KTN1: variants seen among roughly 807,000 people sequenced by gnomAD.
The protein encoded by KTN1 is kinectin 1, also known as kinectin.
In KTN1, 130 loss-of-function variants were observed where a neutral mutation model predicts 222.5. That is an observed-to-expected ratio of 0.58 (90% CI 0.51 to 0.68). The LOEUF (loss-of-function observed/expected upper bound fraction) is 0.68, where lower values mean the gene tolerates loss of function less well. Ranked by LOEUF, KTN1 falls within the 30% of genes least tolerant of loss-of-function variation. The probability of loss-of-function intolerance (pLI) is 0.00; values close to 1 mark genes in which losing one functional copy is unlikely to be tolerated. For synonymous variants in KTN1, 512 were observed against 496.3 expected (o/e 1.03, Z -0.42); for missense variants, 1,508 against 1,500.4 (o/e 1.01, Z -0.08).
chr14:55,609,071 G>A (rs1003301021), intron 1 of KTN1, among the ~76,000 whole-genome samples: 2 of 150,712 alleles, frequency 1.3e-5, no homozygotes, highest in African/African-American at 2.4e-5. Context: ...TGTGGAGAAC[G>A]TGCAGGTTTA....
chr14:55,593,425 C>T (rs980252700), intron 1 of KTN1, among the ~76,000 whole-genome samples: 5 of 132,780 alleles, frequency 3.8e-5, no homozygotes, highest in African/African-American at 5.8e-5. Flanking sequence ...ACTAATTGAT[C>T]AGAAATAGAC....
At position 55,665,333 on chromosome 14, in the gene KTN1, A is replaced by G. The variant is rs889659323; in HGVS notation, c.3177+1292A>G. On this transcript the variant is annotated intron_variant, in intron 33 of 43. Transcript: ENST00000395314. The stretch of plus-strand genomic sequence containing the variant: ...GGGACTGGGTATGTGGGTGCTAATC[A>G]CACCATTCCTACAAGAAGTTACATG... Among the ~76,000 whole-genome samples, 5 of 152,076 alleles carry G rather than the reference A, an allele frequency of 3.3e-5. No individual in the cohort carries two copies. In the East Asian group the frequency reaches 9.7e-4, roughly 29 times the overall value.
intron 1 of KTN1, among the ~76,000 whole-genome samples, chr14:55,599,412 T>C (rs2035602162): frequency 6.6e-6 from 1 of 152,164 alleles, no homozygotes; most frequent in Non-Finnish European, 1.5e-5. Flanking sequence ...GAGAGATTTT[T>C]CCTTCCCAAG....
At chr14:55,601,751 T>C (rs2036002988) in intron 1 of KTN1, 1 of 152,248 alleles carries the variant, frequency 6.6e-6, no homozygotes, top group Admixed American at 6.5e-5. Context: ...TTTTTCTTTT[T>C]TTCAGGTAGA....
intron 1 of KTN1, among the ~76,000 whole-genome samples, chr14:55,597,004 C>T (rs1341895274): frequency 6.6e-6 from 1 of 151,418 alleles, no homozygotes; most frequent in Non-Finnish European, 1.5e-5. Flanking sequence ...TTTTGTGTTT[C>T]AGAGTACCAG....
At chr14:55,588,530 A>G (rs1248573560) in intron 1 of KTN1, among the ~76,000 whole-genome samples, 1 of 152,196 alleles carries the variant, frequency 6.6e-6, no homozygotes, top group Non-Finnish European at 1.5e-5. Context: ...TTACTGTGAT[A>G]CTGTTACTGG....
At chr14:55,617,650 T>G (rs2038573143) in intron 3 of KTN1, among the ~76,000 whole-genome samples, 1 of 152,210 alleles carries the variant, frequency 6.6e-6, no homozygotes, top group Non-Finnish European at 1.5e-5. Context: ...TAAGTGGAAA[T>G]AATTCTTATA....
At chr14:55,605,943 AT>A (rs2036662019) in intron 1 of KTN1, among the ~76,000 whole-genome samples, 1 of 152,188 alleles carries the variant, frequency 6.6e-6, no homozygotes, top group Non-Finnish European at 1.5e-5. Flanking sequence ...TTAAAAAAAG[AT>A]TAACTTGTCT....
Position 55,612,563 on chromosome 14 carries a change from A to C in KTN1, c.515A>C (p.Asn172Thr). 6.3e-7 allele frequency: 1 copy of C among 1,579,388 alleles called. No individual in the cohort carries two copies. Among genetic ancestry groups the C allele is most frequent in the Non-Finnish European group, 8.5e-7 (1 of 1,170,336 alleles). The change falls in exon 2 of 44, where the codon AAT becomes ACT. Residue 172 changes from asparagine (N) to threonine (T), a missense_variant. Coordinates refer to ENST00000395314, the MANE Select transcript of KTN1 (RefSeq NM_001079521.2). ...KKKPGQKKSK[N>T]GSDDQDKKVE... The stretch of plus-strand genomic sequence containing the variant: ...AAACCAGGGCAGAAGAAGTCTAAAA[A>C]TGGAAGCGGTATTGTAATCTATTTA...
At chr14:55,631,353 T>TATATATATATATATATATATAG (rs2040507515) in intron 7 of KTN1, among the ~76,000 whole-genome samples, 1 of 142,240 alleles carries the variant, frequency 7.0e-6, no homozygotes, top group Non-Finnish European at 1.5e-5. Context: ...TATATATATA[T>TATATATATATATATATATATAG]ATATATATAT....
intron 6 of KTN1, among the ~76,000 whole-genome samples, chr14:55,628,787 CAT>C (rs139397706): frequency 0.076 from 11,630 of 152,118 alleles, 493 homozygotes; most frequent in South Asian, 0.11. Flanking sequence ...GAAACTTTAA[CAT>C]AGTTTTTTGT....
intron 1 of KTN1, among the ~76,000 whole-genome samples, chr14:55,596,719 A>G (rs999548693): frequency 6.6e-6 from 1 of 152,120 alleles, no homozygotes; most frequent in Admixed American, 6.6e-5. Flanking sequence ...TTAGCTCCCT[A>G]AGGTTCTTAG....
At position 55,670,820 on chromosome 14, in the gene KTN1, C is replaced by A; in HGVS notation, c.3348+11C>A. ...TCAGAGGAGGTTAAGGTTAGTTCAG[C>A]AAATGAACTGTTTGTAATTTAAACA... is the stretch of plus-strand genomic sequence containing the variant. On this transcript the variant is annotated intron_variant, in intron 35 of 43. Coordinates refer to ENST00000395314, the MANE Select transcript of KTN1 (RefSeq NM_001079521.2). 4 of 1,530,772 alleles carry A rather than the reference C, an allele frequency of 2.6e-6. No homozygotes were observed. The highest frequency in any genetic ancestry group is 1.8e-5 in the Admixed American group (1 of 56,448). The allele number at this position is 1,530,772 out of a possible 1,614,324, so 94.8% of individuals were successfully genotyped here. A position where few individuals can be genotyped will look rare whatever the true frequency, so the allele number is the denominator to read the frequency against.
intron 34 of KTN1, chr14:55,668,219 C>T (rs964515076): frequency 1.3e-5 from 2 of 152,060 alleles, no homozygotes; most frequent in African/African-American, 2.4e-5. Flanking sequence ...CATAAATTGT[C>T]TGTTTTATTA....
At chr14:55,642,831 C>G (rs1315959733) in intron 18 of KTN1, among the ~76,000 whole-genome samples, 2 of 151,992 alleles carry the variant, frequency 1.3e-5, no homozygotes, top group Non-Finnish European at 2.9e-5. Flanking sequence ...TTTGCTTTAC[C>G]CTTGTAAACT....
Position 55,619,245 on chromosome 14 carries a change from A to G in KTN1, c.896A>G (p.Asp299Gly). The change falls in exon 5 of 44, where the codon GAT becomes GGT. Residue 299 changes from aspartate to glycine, a missense_variant. Coordinates refer to ENST00000395314, the MANE Select transcript of KTN1 (RefSeq NM_001079521.2). ...TTGAAGACTATGATGTTTTCTGAAG[A>G]TGAGGCTCTTTGTGTTGTAGACTTG... Reference protein sequence around the residue: ...LSLKTMMFSEDEALCVVDLLK... With the variant: ...LSLKTMMFSEGEALCVVDLLK... 1.2e-6 allele frequency: 2 copies of G among 1,611,160 alleles called. No homozygotes were observed. Among genetic ancestry groups the G allele is most frequent in the Non-Finnish European group, 8.5e-7 (1 of 1,177,452 alleles).
intron 1 of KTN1, among the ~76,000 whole-genome samples, chr14:55,594,166 T>C (rs943717959): frequency 6.6e-6 from 1 of 152,178 alleles, no homozygotes; most frequent in African/African-American, 2.4e-5. Context: ...GGATCCTTAT[T>C]GGAAGTCGTT....
chr14:55,611,274 T>TC (rs1357588729), intron 1 of KTN1, among the ~76,000 whole-genome samples: 1 of 149,946 alleles, frequency 6.7e-6, no homozygotes, highest in African/African-American at 2.5e-5. Flanking sequence ...TTTTTTTTTT[T>TC]TTTTTTTTGT....
chr14:55,673,356 T>A, intron 40 of KTN1, 101 bp downstream of exon 40: 1 of 665,134 alleles, frequency 1.5e-6, no homozygotes, highest in Non-Finnish European at 2.6e-6. Flanking sequence ...CTAACATCTT[T>A]AGCTTGGCCT....
Sources: allele counts gnomAD v4.1 joint callset (sites outside exome capture counted in the v4.1 genomes callset), GRCh38; gene constraint gnomAD v4.1.1; transcripts MANE v1.5; gene names NCBI Gene and HGNC (gene_info 2026-07-23, HGNC 2026-07-21).